The following CSMD3 variants were observed in gnomAD, a reference collection of about 807,000 sequenced individuals.
CSMD3 encodes the protein CUB and sushi domain-containing protein 3.
A neutral mutation model predicts 435.2 loss-of-function variants in CSMD3; 177 were observed. The observed-to-expected ratio is 0.41, with a 90% confidence interval of 0.36 to 0.46. The LOEUF is 0.46. CSMD3 is among the 20% of genes least tolerant of loss of function. CSMD3 has a pLI of 0.34. For synonymous variants in CSMD3, 1,656 were observed against 1,520.5 expected, an observed-to-expected ratio of 1.09 and a Z score of -2.07; for missense variants, 4,265 against 4,504.6, an observed-to-expected ratio of 0.95 and a Z score of 1.52.
At chr8:112,761,610 A>C (rs1311374970) in intron 13 of CSMD3, among the ~76,000 whole-genome samples, 1 of 152,100 alleles carries the variant, frequency 6.6e-6, no homozygotes, top group African/African-American at 2.4e-5. Context: ...AAAGTTGTGA[A>C]CCATATTTAC....
chr8:112,463,527 T>C (rs1817663910), intron 32 of CSMD3, among the ~76,000 whole-genome samples: 1 of 152,192 alleles, frequency 6.6e-6, no homozygotes, highest in South Asian at 2.1e-4. Flanking sequence ...CACTTAGAGC[T>C]ATGCTGCTTT....
intron 5 of CSMD3, among the ~76,000 whole-genome samples, chr8:113,072,054 T>C (rs1182425357): frequency 6.6e-6 from 1 of 151,782 alleles, no homozygotes; most frequent in East Asian, 1.9e-4. Flanking sequence ...AATATTTTAT[T>C]ATTTTATTGC....
At chr8:113,261,598 T>C (rs1003430367) in intron 3 of CSMD3, among the ~76,000 whole-genome samples, 31 of 152,102 alleles carry the variant, frequency 2.0e-4, no homozygotes, top group African/African-American at 7.2e-4. Context: ...CTTCTTCCCT[T>C]GGTTCAAGCT....
At chr8:113,144,883 T>C (rs1157981438) in intron 4 of CSMD3, among the ~76,000 whole-genome samples, 1 of 151,622 alleles carries the variant, frequency 6.6e-6, no homozygotes, top group Admixed American at 6.6e-5. Flanking sequence ...AAGTATAGTA[T>C]TATTTACAAA....
chr8:112,568,058 T>C (rs1378446373), intron 24 of CSMD3, among the ~76,000 whole-genome samples: 2 of 151,872 alleles, frequency 1.3e-5, no homozygotes, highest in East Asian at 1.9e-4. Context: ...AATAAGGGAG[T>C]TGGATTCTGG....
chr8:112,717,327 T>A (rs1425536569), intron 13 of CSMD3, among the ~76,000 whole-genome samples: 2 of 152,038 alleles, frequency 1.3e-5, no homozygotes, highest in Non-Finnish European at 2.9e-5. Context: ...AAGCTCAACA[T>A]CACTGCTCAT....
At chr8:112,937,908 A>T (rs1433178539) in intron 9 of CSMD3, among the ~76,000 whole-genome samples, 2 of 152,182 alleles carry the variant, frequency 1.3e-5, no homozygotes, top group Non-Finnish European at 2.9e-5. Flanking sequence ...AGCATTCAAA[A>T]ATAGAATAAA....
At chr8:113,005,262 A>AT (rs1287691677) in intron 6 of CSMD3, among the ~76,000 whole-genome samples, 1 of 152,040 alleles carries the variant, frequency 6.6e-6, no homozygotes, top group Non-Finnish European at 1.5e-5. Context: ...AACAATGGCT[A>AT]TATAACCACG....
chr8:113,136,331 T>G (rs1298067413), intron 4 of CSMD3, among the ~76,000 whole-genome samples: 1 of 151,798 alleles, frequency 6.6e-6, no homozygotes, highest in East Asian at 1.9e-4. Context: ...GAAGAGAATT[T>G]TTAGCTACTA....
chr8:112,234,508 T>A, intron 67 of CSMD3, 31 bp from the exon 68 acceptor site: 1 of 1,150,022 alleles, frequency 8.7e-7, no homozygotes, highest in Non-Finnish European at 1.3e-6. Flanking sequence ...TTAGTCTACT[T>A]AACTTTGTAA....
intron 13 of CSMD3, among the ~76,000 whole-genome samples, chr8:112,776,350 C>A (rs1034571804): frequency 2.0e-5 from 3 of 151,740 alleles, no homozygotes; most frequent in Non-Finnish European, 3.0e-5. Context: ...AATTTTCCTA[C>A]TAAATAATCC....
rs552647104 is a variant in CSMD3, at chr8:113,101,424, G to T, written c.710-2461C>A. On this transcript the variant is annotated intron_variant, in intron 4 of 70. Coordinates refer to ENST00000297405, the MANE Select transcript of CSMD3 (RefSeq NM_198123.2). ...GTTTCTTTCAAAATGCAGTCCTTTG[G>T]GTTCACAATAGACATTTAAATACTT... is the stretch of plus-strand genomic sequence containing the variant. Among the ~76,000 whole-genome samples, 20 of 151,862 alleles carry T rather than the reference G, an allele frequency of 1.3e-4. No individual in the cohort carries two copies. In the South Asian group the frequency reaches 4.2e-3, roughly 32 times the overall value.
intron 3 of CSMD3, among the ~76,000 whole-genome samples, chr8:113,274,833 C>CAG (rs762202683): frequency 1.7e-4 from 22 of 130,178 alleles, no homozygotes; most frequent in Middle Eastern, 8.5e-3. Context: ...CACACACACA[C>CAG]AGAGAGAAAG....
rs754765979 is a variant in CSMD3, at chr8:112,336,836, A to G, written c.6842-7T>C. ...ATATTCCCACCACAAAGAGCTACGG[A>G]AAAAGTCACAAAACAAAATAATATT... On this transcript the variant is annotated splice_region_variant and splice_polypyrimidine_tract_variant and intron_variant, in intron 43 of 70. Transcript: ENST00000297405. 9 of 1,606,496 alleles carry G rather than the reference A, an allele frequency of 5.6e-6. No individual in the cohort carries two copies. Among genetic ancestry groups the G allele is most frequent in the Non-Finnish European group, 7.7e-6 (9 of 1,173,498 alleles).
At chr8:112,437,544 T>C (rs1814501111) in intron 32 of CSMD3, among the ~76,000 whole-genome samples, 1 of 152,110 alleles carries the variant, frequency 6.6e-6, no homozygotes, top group Non-Finnish European at 1.5e-5. Flanking sequence ...CATGTGACCA[T>C]ATTTTCCTCT....
intron 13 of CSMD3, among the ~76,000 whole-genome samples, chr8:112,777,427 C>T (rs1051794774): frequency 1.3e-5 from 2 of 151,720 alleles, no homozygotes; most frequent in Admixed American, 1.3e-4. Context: ...AATGCAGATA[C>T]TTCTTAATAA....
At chr8:112,670,444 G>A (rs1206667739) in intron 16 of CSMD3, among the ~76,000 whole-genome samples, 1 of 152,168 alleles carries the variant, frequency 6.6e-6, no homozygotes, top group African/African-American at 2.4e-5. Context: ...TCATTTAAGT[G>A]AAACTTTCAT....
At chr8:112,381,160 G>A (rs1360529683) in intron 37 of CSMD3, among the ~76,000 whole-genome samples, 1 of 150,532 alleles carries the variant, frequency 6.6e-6, no homozygotes, top group Non-Finnish European at 1.5e-5. Flanking sequence ...TAGACAGCTA[G>A]ATAGATAGAT....
intron 3 of CSMD3, among the ~76,000 whole-genome samples, chr8:113,255,237 A>C (rs1588382389): frequency 6.6e-6 from 1 of 152,156 alleles, no homozygotes; most frequent in East Asian, 1.9e-4. Flanking sequence ...AAAACTAGAC[A>C]TTGAGACTAG....
Sources: allele counts gnomAD v4.1 joint callset (sites outside exome capture counted in the v4.1 genomes callset), GRCh38; gene constraint gnomAD v4.1.1; transcripts MANE v1.5; gene names NCBI Gene and HGNC (gene_info 2026-07-23, HGNC 2026-07-21).